TNFAIP8L3: variants seen among roughly 807,000 people sequenced by gnomAD.
TNFAIP8L3 encodes the protein TNF alpha induced protein 8 like 3, also known as tumor necrosis factor alpha-induced protein 8-like protein 3.
In TNFAIP8L3, 7 loss-of-function variants were observed where a neutral mutation model predicts 11.8. That is an observed-to-expected ratio of 0.59 (90% CI 0.34 to 1.11). TNFAIP8L3 has a LOEUF of 1.11. TNFAIP8L3 is among the 50% of genes most tolerant of loss of function. The probability of loss-of-function intolerance (pLI) is 0.03; values close to 1 mark genes in which losing one functional copy is unlikely to be tolerated. For synonymous variants in TNFAIP8L3, 98 were observed against 103.8 expected (o/e 0.94, Z 0.34); for missense variants, 219 against 258.6 (o/e 0.85, Z 1.05).
At chr15:51,093,712 G>A (rs1230705769) in intron 1 of TNFAIP8L3, among the ~76,000 whole-genome samples, 1 of 152,148 alleles carries the variant, frequency 6.6e-6, no homozygotes, top group African/African-American at 2.4e-5. Context: ...TCCTAGGTGC[G>A]TAGACCCGTG....
intron 1 of TNFAIP8L3, among the ~76,000 whole-genome samples, chr15:51,071,071 A>G (rs2065305875): frequency 6.6e-6 from 1 of 150,706 alleles, no homozygotes; most frequent in African/African-American, 2.4e-5. Flanking sequence ...AAAAAAAAAA[A>G]AAGAATTAAT....
chr15:51,080,319 A>T (rs1052018474), intron 1 of TNFAIP8L3, among the ~76,000 whole-genome samples: 2 of 152,078 alleles, frequency 1.3e-5, no homozygotes, highest in Non-Finnish European at 2.9e-5. Flanking sequence ...TTAGTTTTTT[A>T]TCTGTCTAGT....
chr15:51,099,982 GAAAC>G (rs2065539442), intron 1 of TNFAIP8L3, among the ~76,000 whole-genome samples: 1 of 150,860 alleles, frequency 6.6e-6, no homozygotes, highest in Non-Finnish European at 1.5e-5. Context: ...GCAAAAATCT[GAAAC>G]AAACAGGTTT....
chr15:51,064,371 C>T (rs1329929067), intron 1 of TNFAIP8L3, among the ~76,000 whole-genome samples: 1 of 152,086 alleles, frequency 6.6e-6, no homozygotes, highest in Non-Finnish European at 1.5e-5. Flanking sequence ...GTTCACCATA[C>T]CAGGTAGCTT....
chr15:51,102,327 T>C (rs1267451752), intron 1 of TNFAIP8L3, among the ~76,000 whole-genome samples: 1 of 152,194 alleles, frequency 6.6e-6, no homozygotes, highest in Non-Finnish European at 1.5e-5. Context: ...GAAGGGAAAA[T>C]TGAGTCTCCT....
intron 1 of TNFAIP8L3, among the ~76,000 whole-genome samples, chr15:51,064,236 T>A (rs1219979837): frequency 6.6e-6 from 1 of 152,182 alleles, no homozygotes; most frequent in Non-Finnish European, 1.5e-5. Context: ...ACCCATGATT[T>A]ATAACAGTGT....
intron 1 of TNFAIP8L3, among the ~76,000 whole-genome samples, chr15:51,077,879 T>TAGCAG (rs1359109912): frequency 1.3e-5 from 2 of 152,214 alleles, no homozygotes; most frequent in Non-Finnish European, 2.9e-5. Flanking sequence ...CAGGACCACT[T>TAGCAG]ATTTTTTTCT....
intron 1 of TNFAIP8L3, among the ~76,000 whole-genome samples, chr15:51,073,933 TTTATC>T (rs2065331525): frequency 6.6e-6 from 1 of 152,350 alleles, no homozygotes; most frequent in Non-Finnish European, 1.5e-5. Flanking sequence ...GATCATATAA[TTTATC>T]TTATAATATG....
intron 1 of TNFAIP8L3, among the ~76,000 whole-genome samples, chr15:51,102,721 A>G (rs534302491): frequency 5.3e-5 from 8 of 152,302 alleles, no homozygotes; most frequent in Admixed American, 5.2e-4. Context: ...AGGATTTCCC[A>G]TCATATTACC....
At chr15:51,071,947 C>A (rs998705861) in intron 1 of TNFAIP8L3, among the ~76,000 whole-genome samples, 3 of 152,270 alleles carry the variant, frequency 2.0e-5, no homozygotes, top group Middle Eastern at 3.4e-3. Flanking sequence ...GTTTATTGGG[C>A]ATTAAGGTTT....
At chr15:51,086,590 C>G (rs922477141) in intron 1 of TNFAIP8L3, among the ~76,000 whole-genome samples, 157 of 152,204 alleles carry the variant, frequency 1.0e-3, no homozygotes, top group Non-Finnish European at 2.5e-4. Flanking sequence ...TGGAGTTAGA[C>G]TGGCTTCATT....
intron 1 of TNFAIP8L3, among the ~76,000 whole-genome samples, chr15:51,079,748 C>T (rs537118743): frequency 2.0e-5 from 3 of 150,964 alleles, no homozygotes; most frequent in Non-Finnish European, 4.4e-5. Context: ...ACTTTGGAGG[C>T]CAATGTGGGA....
chr15:51,063,626 T>C (rs2065253080), intron 1 of TNFAIP8L3, among the ~76,000 whole-genome samples: 1 of 152,224 alleles, frequency 6.6e-6, no homozygotes. Context: ...CTTTGTCCCT[T>C]GTTTTCTCTG....
At chr15:51,102,734 G>A (rs1298947620) in intron 1 of TNFAIP8L3, among the ~76,000 whole-genome samples, 1 of 152,122 alleles carries the variant, frequency 6.6e-6, no homozygotes, top group Non-Finnish European at 1.5e-5. Flanking sequence ...ATATTACCAT[G>A]CTCCTTTATA....
At chr15:51,063,986 T>C (rs2065254955) in intron 1 of TNFAIP8L3, among the ~76,000 whole-genome samples, 1 of 152,188 alleles carries the variant, frequency 6.6e-6, no homozygotes, top group Admixed American at 6.5e-5. Flanking sequence ...GTATAAGAAT[T>C]TGTTATTTAC....
upstream of TNFAIP8L3, among the ~76,000 whole-genome samples, chr15:51,097,042 A>G (rs939386096): frequency 2.6e-5 from 4 of 152,202 alleles, no homozygotes; most frequent in African/African-American, 7.2e-5. Flanking sequence ...TGATAGCTTC[A>G]CAGAACAGAG....
upstream of TNFAIP8L3, among the ~76,000 whole-genome samples, chr15:51,096,667 G>A (rs1290907749): frequency 1.3e-5 from 2 of 152,060 alleles, no homozygotes; most frequent in East Asian, 1.9e-4. Flanking sequence ...TGAGGCGGGT[G>A]GATCACCTGA....
chr15:51,074,605 A>C (rs2065336299), intron 1 of TNFAIP8L3, among the ~76,000 whole-genome samples: 1 of 152,178 alleles, frequency 6.6e-6, no homozygotes, highest in Non-Finnish European at 1.5e-5. Flanking sequence ...TGCTTGCCCA[A>C]TTCAAAGCCA....
intron 1 of TNFAIP8L3, among the ~76,000 whole-genome samples, chr15:51,082,892 T>C (rs920325514): frequency 1.3e-5 from 2 of 152,196 alleles, no homozygotes; most frequent in African/African-American, 4.8e-5. Context: ...CAAAATATCA[T>C]TATGCAGCAC....
Sources: allele counts gnomAD v4.1 joint callset (sites outside exome capture counted in the v4.1 genomes callset), GRCh38; gene constraint gnomAD v4.1.1; transcripts MANE v1.5; gene names NCBI Gene and HGNC (gene_info 2026-07-23, HGNC 2026-07-21).